Variants in BPNT1 observed in about 807,000 individuals in gnomAD.
BPNT1 encodes the protein 3'(2'),5'-bisphosphate nucleotidase 1.
Under a neutral mutation model 36.9 loss-of-function variants are expected in BPNT1, and 28 were observed. The observed-to-expected ratio is 0.76, with a 90% confidence interval of 0.56 to 1.04. The LOEUF (loss-of-function observed/expected upper bound fraction) is 1.04. BPNT1 is among the 50% of genes least tolerant of loss of function. The pLI is 0.00. For missense variants in BPNT1, 313 were observed against 372.9 expected (o/e 0.84, Z 1.32); for synonymous variants, 119 against 130.9 (o/e 0.91, Z 0.62).
intron 1 of BPNT1, among the ~76,000 whole-genome samples, chr1:220,084,714 T>A (rs1394144600): frequency 6.6e-6 from 1 of 152,180 alleles, no homozygotes; most frequent in Non-Finnish European, 1.5e-5. Context: ...GTCCATGGTG[T>A]TTTCTTCCAT....
intron 4 of BPNT1, among the ~76,000 whole-genome samples, chr1:220,071,812 T>C (rs1352068287): frequency 6.6e-6 from 1 of 151,976 alleles, no homozygotes; most frequent in African/African-American, 2.4e-5. Context: ...CTCAGCCTCC[T>C]GAGTAACTGG....
intron 7 of BPNT1, among the ~76,000 whole-genome samples, chr1:220,062,232 T>C (rs1258258298): frequency 1.3e-5 from 2 of 151,278 alleles, no homozygotes; most frequent in African/African-American, 2.4e-5. Context: ...CATGCTGGTG[T>C]GCTGCACCCA....
At chr1:220,071,625 A>G (rs952318635) in intron 4 of BPNT1, among the ~76,000 whole-genome samples, 1 of 152,234 alleles carries the variant, frequency 6.6e-6, no homozygotes, top group African/African-American at 2.4e-5. Flanking sequence ...GCATAAGGAT[A>G]GACATATAGA....
At chr1:220,066,045 G>C in intron 6 of BPNT1, 1 of 1,503,320 alleles carries the variant, frequency 6.7e-7, no homozygotes, top group Middle Eastern at 1.7e-4. Flanking sequence ...CCTACTAGTG[G>C]AGCCAAAACC....
intron 4 of BPNT1, among the ~76,000 whole-genome samples, chr1:220,069,865 G>A (rs1460471104): frequency 2.0e-5 from 3 of 152,116 alleles, no homozygotes; most frequent in South Asian, 4.2e-4. Context: ...GAACTCAGGA[G>A]GCGGAGGTAG....
At chr1:220,073,290 T>C (rs1371122795) in intron 3 of BPNT1, among the ~76,000 whole-genome samples, 1 of 152,048 alleles carries the variant, frequency 6.6e-6, no homozygotes, top group East Asian at 1.9e-4. Context: ...CACTTTCTTT[T>C]TTTATTTTTT....
chr1:220,079,976 G>T, intron 1 of BPNT1, 122 bp from the exon 2 acceptor site: 1 of 993,224 alleles, frequency 1.0e-6, no homozygotes. Context: ...CATTAACTGA[G>T]TAAATTCTTT....
chr1:220,062,686 CATGTT>C (rs770813973), intron 7 of BPNT1, 66 bp downstream of exon 7: 150 of 1,536,388 alleles, frequency 9.8e-5, no homozygotes, highest in Non-Finnish European at 1.3e-4. Context: ...ACTCTTATTT[CATGTT>C]TTTAGAAGTT....
At chr1:220,072,825 A>G (rs1664188473) in intron 4 of BPNT1, 25 bp downstream of exon 4, 13 of 1,560,122 alleles carry the variant, frequency 8.3e-6, no homozygotes, top group Non-Finnish European at 1.1e-5. Context: ...GTTAATAGAG[A>G]GTTGAGTATA....
At position 220,079,819 on chromosome 1, in the gene BPNT1, G is replaced by A. The variant is rs757240318; in HGVS notation, c.28C>T (p.Arg10Trp). 8 of 1,612,964 alleles carry A rather than the reference G, an allele frequency of 5.0e-6. No individual in the cohort carries two copies. The highest frequency in any genetic ancestry group is 5.9e-6 in the Non-Finnish European group (7 of 1,179,562). The part of the protein sequence containing the change: MASSNTVLM[R>W]LVASAYSIAQ... ...ATAGAATATGCGGAGGCTACCAACC[G>A]CATCAACACAGTGTTACTGGAAGCC... The change falls in exon 2 of 9, where the codon CGG becomes TGG. Residue 10 changes from arginine (R) to tryptophan (W), a missense_variant. By Grantham distance (101) the Arg-to-Trp change is moderately radical. Coordinates refer to ENST00000322067, the MANE Select transcript of BPNT1 (RefSeq NM_006085.6).
At chr1:220,065,200 G>A (rs1291805872) in intron 6 of BPNT1, among the ~76,000 whole-genome samples, 1 of 152,130 alleles carries the variant, frequency 6.6e-6, no homozygotes, top group African/African-American at 2.4e-5. Context: ...GCCCTACAAG[G>A]TCATATTGCC....
At chr1:220,086,301 C>T (rs1329884643) in intron 1 of BPNT1, among the ~76,000 whole-genome samples, 2 of 152,148 alleles carry the variant, frequency 1.3e-5, no homozygotes, top group African/African-American at 4.8e-5. Flanking sequence ...TATGTAGTCT[C>T]GCTCTGTCGC....
Position 220,058,505 on chromosome 1 carries a change from A to G in BPNT1, c.*339T>C. 1.0e-6 allele frequency: 1 copy of G among 990,640 alleles called. No homozygotes were observed. The highest frequency in any genetic ancestry group is 1.0e-4 in the East Asian group (1 of 10,008). 61.4% of individuals were successfully genotyped at this position (990,640 alleles called of 1,614,324 possible). ...CCAAGTCTTTCTCCTAGCTAAGTAA[A>G]TGAAACTTTAAGTACTTTTTGGGTT... On this transcript the variant is annotated 3_prime_UTR_variant, in exon 9 of 9. Coordinates refer to ENST00000322067, the MANE Select transcript of BPNT1 (RefSeq NM_006085.6).
chr1:220,062,914 A>T lies in BPNT1; in HGVS notation c.515T>A (p.Val172Asp). The change falls in exon 7 of 9, where the codon GTT (valine) becomes GAT (aspartate). Residue 172 changes from valine (V) to aspartate (D), a missense_variant. Transcript: ENST00000322067. ...DAVLGRTIWGVLGLGAFGFQL... is the reference protein window; with the variant it reads ...DAVLGRTIWGDLGLGAFGFQL... ...AAACCCAAAGGCGCCTAAACCTAAAACTCCCCAGATTGTCCTCCCCAACAC... is the reference window on the plus strand; with the variant it reads ...AAACCCAAAGGCGCCTAAACCTAAATCTCCCCAGATTGTCCTCCCCAACAC... The T allele has an allele frequency of 6.2e-7, 1 of 1,613,580 alleles. No homozygotes were observed. The highest frequency in any genetic ancestry group is 8.5e-7 in the Non-Finnish European group (1 of 1,179,952).
intron 1 of BPNT1, among the ~76,000 whole-genome samples, chr1:220,089,091 A>G: frequency 8.0e-6 from 1 of 125,202 alleles, no homozygotes. Context: ...ACAGAGCGAG[A>G]CTCCGTCTCG....
intron 6 of BPNT1, chr1:220,065,931 T>G (rs935634328): frequency 4.1e-6 from 2 of 486,758 alleles, no homozygotes; most frequent in Admixed American, 3.8e-5. Flanking sequence ...AGGGAAGTGG[T>G]ACAGAGAGAG....
intron 3 of BPNT1, among the ~76,000 whole-genome samples, chr1:220,073,703 C>T (rs1664289565): frequency 6.6e-6 from 1 of 152,150 alleles, no homozygotes; most frequent in African/African-American, 2.4e-5. Flanking sequence ...TAGATCTCTG[C>T]CCATCTTACA....
chr1:220,087,619 A>C (rs1387488756), intron 1 of BPNT1, among the ~76,000 whole-genome samples: 1 of 152,138 alleles, frequency 6.6e-6, no homozygotes, highest in Non-Finnish European at 1.5e-5. Context: ...AAAATACCAT[A>C]AACTAAATAA....
intron 4 of BPNT1, among the ~76,000 whole-genome samples, chr1:220,070,843 T>G (rs1046932462): frequency 1.3e-5 from 2 of 151,340 alleles, no homozygotes; most frequent in Non-Finnish European, 2.9e-5. Context: ...AGGCCATAGA[T>G]GTATAGGTTT....
Sources: allele counts gnomAD v4.1 joint callset (sites outside exome capture counted in the v4.1 genomes callset), GRCh38; gene constraint gnomAD v4.1.1; transcripts MANE v1.5; gene names NCBI Gene and HGNC (gene_info 2026-07-23, HGNC 2026-07-21).